ARRB1: variants seen among roughly 807,000 people sequenced by gnomAD.
ARRB1 encodes the protein beta-arrestin-1.
Under a neutral mutation model 56.8 loss-of-function variants are expected in ARRB1, and 21 were observed. The observed-to-expected ratio is 0.37, with a 90% CI of 0.26 to 0.53. ARRB1 has a LOEUF of 0.53. Among genes scored for constraint, ARRB1 ranks in the 20% least tolerant of loss-of-function variants. The pLI is 0.88. For missense variants in ARRB1, 424 were observed against 553.7 expected (o/e 0.77, Z 2.35); for synonymous variants, 210 against 218.6 (o/e 0.96, Z 0.35).
chr11:75,276,387 A>G (rs1324859101), intron 10 of ARRB1, among the ~76,000 whole-genome samples: 1 of 152,040 alleles, frequency 6.6e-6, no homozygotes, highest in Non-Finnish European at 1.5e-5. Context: ...TTTGTGTGTA[A>G]TTATTCTCTG....
intron 12 of ARRB1, among the ~76,000 whole-genome samples, 186 bp from the exon 13 acceptor site, chr11:75,271,910 C>T (rs188909651): frequency 1.4e-4 from 22 of 152,280 alleles, no homozygotes; most frequent in African/African-American, 4.8e-4. Context: ...TGGCATTAGC[C>T]CTGCCCCGAG....
chr11:75,278,584 C>A (rs1280906591), intron 8 of ARRB1, 25 bp downstream of exon 8: 2 of 1,613,650 alleles, frequency 1.2e-6, no homozygotes, highest in Non-Finnish European at 8.5e-7. Context: ...CAGCCCCCAC[C>A]CCCTGCCAAG....
intron 3 of ARRB1, 35 bp downstream of exon 3, chr11:75,287,280 T>C: frequency 6.5e-7 from 1 of 1,540,506 alleles, no homozygotes; most frequent in Non-Finnish European, 8.8e-7. Context: ...AGCCACATCT[T>C]CCCCCAGCCC....
chr11:75,272,086 G>C (rs1946085721), intron 12 of ARRB1, among the ~76,000 whole-genome samples: 2 of 152,096 alleles, frequency 1.3e-5, no homozygotes, highest in Admixed American at 1.3e-4. Flanking sequence ...AGGGACTGTG[G>C]GTCCTGAAAG....
chr11:75,335,121 C>A, intron 1 of ARRB1: 1 of 228,712 alleles, frequency 4.4e-6, no homozygotes, highest in Non-Finnish European at 1.0e-5. Context: ...GAGGAAGGGC[C>A]CAGAGGCGAT....
intron 1 of ARRB1, chr11:75,312,118 A>G: frequency 7.8e-7 from 1 of 1,289,338 alleles, no homozygotes. Flanking sequence ...CATCTCTTGC[A>G]GTGGCTGCTG....
intron 1 of ARRB1, among the ~76,000 whole-genome samples, chr11:75,295,356 C>G (rs139371219): frequency 6.6e-6 from 1 of 152,090 alleles, no homozygotes; most frequent in East Asian, 1.9e-4. Context: ...TCTGGAGGCT[C>G]AAGGGATGAA....
chr11:75,318,401 TC>T lies in ARRB1; in HGVS notation c.21-28363del, dbSNP rs377502459. ...CCTGAACTCCTGGGCTCAAAAGATC[TC>T]CCCATGGCTGGGCACGGTGGCTCAT... is the stretch of plus-strand genomic sequence containing the variant. On this transcript the variant is annotated intron_variant, in intron 1 of 15. Transcript: ENST00000420843. Among the ~76,000 whole-genome samples the T allele has an allele frequency of 2.0e-4, 31 of 152,066 alleles. 3 individuals carry two copies. The highest frequency in any genetic ancestry group is 1.2e-3 in the Admixed American group (18 of 15,272).
At chr11:75,269,207 C>A (rs1222309995) in intron 13 of ARRB1, 5 of 716,090 alleles carry the variant, frequency 7.0e-6, no homozygotes, top group Non-Finnish European at 1.3e-5. Flanking sequence ...TCTCTGGGTT[C>A]CCACGGGCTG....
rs563563758 is a variant in ARRB1, at chr11:75,265,180, T to C, written c.*983A>G. 1 of 152,550 alleles carries C rather than the reference T, an allele frequency of 6.6e-6. No individual in the cohort carries two copies. Among genetic ancestry groups the C allele is most frequent in the South Asian group, 2.1e-4 (1 of 4,830 alleles). The allele number at this position is 152,550 out of a possible 1,614,324, so 9.4% of individuals were successfully genotyped here. A position where few individuals can be genotyped will look rare whatever the true frequency, so the allele number is the denominator to read the frequency against. ...GCAGGGGGAAGCAGGAGGATACTAG[T>C]GGCCTCGGCCCCCGCTGGACACCCA... On this transcript the variant is annotated 3_prime_UTR_variant, in exon 16 of 16. Coordinates refer to ENST00000420843, the MANE Select transcript of ARRB1 (RefSeq NM_004041.5).
chr11:75,294,104 T>C lies in ARRB1; in HGVS notation c.21-4065A>G, dbSNP rs143842421. Among the ~76,000 whole-genome samples, 265 of 152,284 alleles carry C rather than the reference T, an allele frequency of 1.7e-3. 1 individual carries two copies. The highest frequency in any genetic ancestry group is 5.9e-3 in the African/African-American group (244 of 41,560). ...GAATTTGATTGGTCAGCACTGGTCA[T>C]GTGTTCTACACCTGGGCCAATCAGC... On this transcript the variant is annotated intron_variant, in intron 1 of 15. Coordinates refer to ENST00000420843, the MANE Select transcript of ARRB1 (RefSeq NM_004041.5).
intron 1 of ARRB1, among the ~76,000 whole-genome samples, chr11:75,327,234 G>A (rs905540142): frequency 6.7e-6 from 1 of 149,180 alleles, no homozygotes; most frequent in Non-Finnish European, 1.5e-5. Flanking sequence ...CCCAAAAGGC[G>A]GAGCTTGCAG....
chr11:75,296,185 CAAAAAAAAAAAAA>C (rs11428462), intron 1 of ARRB1, among the ~76,000 whole-genome samples: 7 of 84,870 alleles, frequency 8.2e-5, no homozygotes, highest in Non-Finnish European at 1.5e-4. Flanking sequence ...GACTTTGTCT[CAAAAAAAAAAAAA>C]AAAAAAAAAG....
At chr11:75,310,178 T>C (rs1947125925) in intron 1 of ARRB1, among the ~76,000 whole-genome samples, 1 of 152,168 alleles carries the variant, frequency 6.6e-6, no homozygotes, top group Admixed American at 6.6e-5. Flanking sequence ...TCTCCCCTGG[T>C]ATTTAATGGC....
At chr11:75,347,982 T>TCTTCCCATCCAC (rs1298816811) in intron 1 of ARRB1, among the ~76,000 whole-genome samples, 5 of 152,332 alleles carry the variant, frequency 3.3e-5, no homozygotes, top group African/African-American at 7.2e-5. Context: ...CTAGGCCTGC[T>TCTTCCCATCCAC]CTTCCCATCC....
At position 75,304,416 on chromosome 11, in the gene ARRB1, T is replaced by C. The variant is rs201360159; in HGVS notation, c.21-14377A>G. On this transcript the variant is annotated intron_variant, in intron 1 of 15. Coordinates refer to ENST00000420843, the MANE Select transcript of ARRB1 (RefSeq NM_004041.5). Reference sequence around the variant, plus strand: ...TCTAAGGCCTAAGGTGCCAGCTTTTTCCAGGGAAATAGTTGTGGGGGAAAA... The same window carrying C: ...TCTAAGGCCTAAGGTGCCAGCTTTTCCCAGGGAAATAGTTGTGGGGGAAAA... Among the ~76,000 whole-genome samples the C allele has an allele frequency of 1.8e-4, 28 of 151,856 alleles. No individual in the cohort carries two copies. The East Asian group carries it at 2.5e-3, about 14-fold the overall frequency.
At chr11:75,330,314 C>T (rs918248242) in intron 1 of ARRB1, among the ~76,000 whole-genome samples, 1 of 152,110 alleles carries the variant, frequency 6.6e-6, no homozygotes, top group Non-Finnish European at 1.5e-5. Flanking sequence ...ATCTCAAGGG[C>T]TAAGGAGGAG....
chr11:75,334,018 T>G (rs1947562429), intron 1 of ARRB1, among the ~76,000 whole-genome samples: 1 of 152,096 alleles, frequency 6.6e-6, no homozygotes, highest in Middle Eastern at 3.2e-3. Flanking sequence ...AGACTTCTAC[T>G]CTGCCCCACT....
intron 13 of ARRB1, 180 bp from the exon 14 acceptor site, chr11:75,269,139 CGAG>C: frequency 1.3e-6 from 1 of 746,784 alleles, no homozygotes. Context: ...GGGAGCTGGA[CGAG>C]GAGACTTCCT....
Sources: allele counts gnomAD v4.1 joint callset (sites outside exome capture counted in the v4.1 genomes callset), GRCh38; gene constraint gnomAD v4.1.1; transcripts MANE v1.5; gene names NCBI Gene and HGNC (gene_info 2026-07-23, HGNC 2026-07-21).